GNAQ: variants seen among roughly 807,000 people sequenced by gnomAD.
GNAQ encodes the protein G protein subunit alpha q.
Under a neutral mutation model 43.9 loss-of-function variants are expected in GNAQ, and 8 were observed. The ratio of observed to expected loss-of-function variants is 0.18; its 90% CI spans 0.11 to 0.33. The LOEUF is 0.33. Ranked by LOEUF, GNAQ falls within the 10% of genes least tolerant of loss-of-function variation. GNAQ has a pLI of 1.00. For missense variants in GNAQ, 158 were observed against 450.8 expected (o/e 0.35, Z 5.88); for synonymous variants, 155 against 170.7 (o/e 0.91, Z 0.71).
intron 2 of GNAQ, among the ~76,000 whole-genome samples, chr9:77,824,247 G>A (rs1488935826): frequency 6.6e-6 from 1 of 152,092 alleles, no homozygotes; most frequent in Non-Finnish European, 1.5e-5. Context: ...TTTCAACCAT[G>A]CTCTTCTTGG....
intron 2 of GNAQ, among the ~76,000 whole-genome samples, chr9:77,881,486 C>T (rs1028650473): frequency 2.0e-5 from 3 of 152,198 alleles, no homozygotes; most frequent in Non-Finnish European, 2.9e-5. Flanking sequence ...TTGAGTGATC[C>T]TCCCACCTCA....
Position 77,731,499 on chromosome 9 carries a change from G to A in GNAQ, c.736-2832C>T, listed in dbSNP as rs368294281. On this transcript the variant is annotated intron_variant, in intron 5 of 6. Transcript: ENST00000286548. ...AGGTGCCATGTGGACTGAAGCCTGC[G>A]CTTCTAGCTCAGGGGAAAGCTAAAA... Among the ~76,000 whole-genome samples, 5 of 152,302 alleles carry A rather than the reference G, an allele frequency of 3.3e-5. No individual in the cohort carries two copies. The East Asian group carries it at 5.8e-4, about 18-fold the overall frequency.
chr9:77,951,042 T>C (rs1377945933), intron 1 of GNAQ, among the ~76,000 whole-genome samples: 3 of 151,964 alleles, frequency 2.0e-5, no homozygotes, highest in African/African-American at 7.3e-5. Flanking sequence ...CCAGTATACT[T>C]TGTTTAGGGC....
intron 3 of GNAQ, among the ~76,000 whole-genome samples, chr9:77,812,133 T>A (rs1046074449): frequency 3.9e-5 from 6 of 152,124 alleles, no homozygotes; most frequent in Admixed American, 1.3e-4. Flanking sequence ...AGAATGCCAA[T>A]GTAGACCAAC....
chr9:77,959,682 A>T (rs933552543), intron 1 of GNAQ, among the ~76,000 whole-genome samples: 1 of 152,188 alleles, frequency 6.6e-6, no homozygotes, highest in African/African-American at 2.4e-5. Flanking sequence ...TATAATTGCT[A>T]AAAATCATTG....
At chr9:77,861,174 G>A (rs1827844003) in intron 2 of GNAQ, among the ~76,000 whole-genome samples, 1 of 152,166 alleles carries the variant, frequency 6.6e-6, no homozygotes, top group Non-Finnish European at 1.5e-5. Context: ...GAGAGCTTGA[G>A]CAGGGAAACT....
intron 5 of GNAQ, among the ~76,000 whole-genome samples, chr9:77,747,709 C>T (rs1052019384): frequency 4.6e-5 from 7 of 152,178 alleles, no homozygotes; most frequent in Non-Finnish European, 7.4e-5. Context: ...TGCACCCACC[C>T]ATAGCACCAG....
At chr9:78,024,118 G>A (rs1201713332) in intron 1 of GNAQ, among the ~76,000 whole-genome samples, 5 of 152,182 alleles carry the variant, frequency 3.3e-5, no homozygotes, top group Non-Finnish European at 7.3e-5. Flanking sequence ...GAACTTGTGT[G>A]TGTAACAGCT....
rs1342946546 is a variant in GNAQ at position 77,806,872 on chromosome 9, A to C, written c.476+8744T>G. Reference sequence around the variant, plus strand: ...TGGCAATGAAGAAAAACGTGTTATAAATAACCGTAATACAATGCAGATGTA... The same window carrying C: ...TGGCAATGAAGAAAAACGTGTTATACATAACCGTAATACAATGCAGATGTA... On this transcript the variant is annotated intron_variant, in intron 3 of 6. Transcript: ENST00000286548. Among the ~76,000 whole-genome samples, 5 of 152,302 alleles carry C rather than the reference A, an allele frequency of 3.3e-5. No individual in the cohort carries two copies. In the South Asian group the frequency reaches 1.0e-3, roughly 32 times the overall value.
At chr9:77,862,906 C>CGGT in intron 2 of GNAQ, among the ~76,000 whole-genome samples, 1 of 152,316 alleles carries the variant, frequency 6.6e-6, no homozygotes, top group East Asian at 1.9e-4. Context: ...CCGCCAGACA[C>CGGT]GGTGGCTCAT....
At chr9:77,762,114 G>A (rs1370069802) in intron 5 of GNAQ, among the ~76,000 whole-genome samples, 1 of 137,018 alleles carries the variant, frequency 7.3e-6, no homozygotes, top group East Asian at 2.4e-4. Flanking sequence ...CCCCATCCGG[G>A]AGGGAGGTGG....
chr9:77,830,102 G>A (rs1271934686), intron 2 of GNAQ, among the ~76,000 whole-genome samples: 6 of 152,184 alleles, frequency 3.9e-5, no homozygotes, highest in South Asian at 2.1e-4. Context: ...ACAAGCATGC[G>A]CCACCATGGC....
Position 77,718,673 on chromosome 9 carries a change from T to C in GNAQ, c.*2650A>G. The stretch of plus-strand genomic sequence containing the variant: ...CCCTAAAACTGTAACACTTATGATC[T>C]TGTGATGAGGTTTTCTCTATACACA... On this transcript the variant is annotated 3_prime_UTR_variant, in exon 7 of 7. Transcript: ENST00000286548. 4.3e-6 allele frequency: 1 copy of C among 232,900 alleles called. No individual in the cohort carries two copies. The highest frequency in any genetic ancestry group is 8.5e-6 in the Non-Finnish European group (1 of 117,868). The allele number at this position is 232,900 out of a possible 1,614,324, so 14.4% of individuals were successfully genotyped here.
chr9:77,721,450 G>C lies in GNAQ; in HGVS notation c.953C>G (p.Pro318Arg). 6.2e-7 allele frequency: 1 copy of C among 1,612,810 alleles called. No individual in the cohort carries two copies. The highest frequency in any genetic ancestry group is 8.5e-7 in the Non-Finnish European group (1 of 1,178,896). ...FILKMFVDLN[P>R]DSDKIIYSHF... The stretch of plus-strand genomic sequence containing the variant: ...GGAGTAGATAATTTTGTCACTGTCT[G>C]GGTTCAGGTCCACGAACATCTTCAG... Residue 318 changes from proline to arginine, a missense_variant, in exon 7 of 7, where the codon CCA (proline) becomes CGA (arginine). This residue lies in a region of GNAQ where 56 missense variants were observed against 172.2 expected (regional missense o/e 0.33). Coordinates refer to ENST00000286548, the MANE Select transcript of GNAQ (RefSeq NM_002072.5).
In GNAQ at chr9:77,922,152, C is replaced by T. The variant is rs760974610; in HGVS notation, c.321+9G>A. ...TCAGCTGACTGCTCCAATGAAGAGT[C>T]GCACCTACCTTATTGTGCTCATACT... On this transcript the variant is annotated intron_variant, in intron 2 of 6. Transcript: ENST00000286548. The T allele has an allele frequency of 9.4e-6, 15 of 1,592,682 alleles. No homozygotes were observed. The highest frequency in any genetic ancestry group is 2.2e-5 in the South Asian group (2 of 90,176).
At chr9:77,778,360 T>C (rs1354946698) in intron 5 of GNAQ, among the ~76,000 whole-genome samples, 5 of 151,994 alleles carry the variant, frequency 3.3e-5, no homozygotes, top group African/African-American at 1.2e-4. Context: ...TAGTATTCTT[T>C]GAGTGTGGAC....
rs886250759 is a variant in GNAQ, at chr9:77,945,896, C to A, written c.137-23551G>T. Among the ~76,000 whole-genome samples, 3 of 152,112 alleles carry A rather than the reference C, an allele frequency of 2.0e-5. No individual in the cohort carries two copies. The East Asian group carries it at 5.8e-4, about 29-fold the overall frequency. ...GAAACTGAGGTCTACTGAAGTTATG[C>A]GAATCACCCAAGTTTACATCCTCTA... is the stretch of plus-strand genomic sequence containing the variant. On this transcript the variant is annotated intron_variant, in intron 1 of 6. Transcript: ENST00000286548.
chr9:77,948,469 G>A (rs776423664), intron 1 of GNAQ, among the ~76,000 whole-genome samples: 2 of 152,178 alleles, frequency 1.3e-5, no homozygotes, highest in Non-Finnish European at 2.9e-5. Context: ...GAAAGCGGGG[G>A]ACCTAGCGGT....
At chr9:77,836,685 A>T (rs144477167) in intron 2 of GNAQ, among the ~76,000 whole-genome samples, 24 of 152,324 alleles carry the variant, frequency 1.6e-4, no homozygotes, top group Non-Finnish European at 2.2e-4. Flanking sequence ...AAATGGAGAA[A>T]AGAATAGTAC....
Sources: gnomAD v4.1 joint callset for allele counts (sites outside exome capture counted in the v4.1 genomes callset) on GRCh38, gnomAD v4.1.1 for gene constraint, gnomAD v4.1.1 regional missense constraint, MANE v1.5 for transcripts, NCBI Gene and HGNC (gene_info 2026-07-23, HGNC 2026-07-21) for gene names.